Variants in DMGDH observed in about 807,000 individuals in gnomAD.
DMGDH encodes dimethylglycine dehydrogenase, also known as dimethylglycine dehydrogenase, mitochondrial.
Under a neutral mutation model 95.2 loss-of-function variants are expected in DMGDH, and 76 were observed. The observed-to-expected ratio is 0.80, with a 90% confidence interval of 0.66 to 0.97. DMGDH has a LOEUF of 0.97. Among genes scored for constraint, DMGDH ranks in the 50% least tolerant of loss-of-function variants. The pLI, the probability that DMGDH is intolerant of heterozygous loss-of-function variation, is 0.00. For synonymous variants in DMGDH, 345 were observed against 377.6 expected, an observed-to-expected ratio of 0.91 and a Z score of 1.00; for missense variants, 987 against 1,055.0, an observed-to-expected ratio of 0.94 and a Z score of 0.89.
At chr5:79,018,575 A>G (rs1187729241) in intron 14 of DMGDH, among the ~76,000 whole-genome samples, 1 of 152,122 alleles carries the variant, frequency 6.6e-6, no homozygotes, top group Admixed American at 6.5e-5. Flanking sequence ...GGGATGAGGG[A>G]TAGGTTTACT....
chr5:79,049,452 A>G (rs1319147589), intron 5 of DMGDH, among the ~76,000 whole-genome samples: 1 of 152,256 alleles, frequency 6.6e-6, no homozygotes, highest in Admixed American at 6.5e-5. Context: ...GTCCAAGTCC[A>G]TCTGAAATGA....
rs772636518 is a variant in DMGDH at position 79,051,381 on chromosome 5, T to C, written c.651A>G (p.Ala217=). 2 of 1,614,190 alleles carry C rather than the reference T, an allele frequency of 1.2e-6. No homozygotes were observed. The highest frequency in any genetic ancestry group is 1.7e-6 in the Non-Finnish European group (2 of 1,180,036). The change falls in exon 5 of 16, where the codon GCA becomes GCG. Residue 217 remains alanine (A), a synonymous_variant. Coordinates refer to ENST00000255189, the MANE Select transcript of DMGDH (RefSeq NM_013391.3). The stretch of plus-strand genomic sequence containing the variant: ...ACCTGGCTTTCAGAGAAGTTACTGG[T>C]GCAGGATATTTTAAAAGGGCACCAC... ...RKCGALLKYP[A]PVTSLKARSD...
chr5:79,016,948 A>G (rs573203052), intron 14 of DMGDH, among the ~76,000 whole-genome samples: 1 of 152,322 alleles, frequency 6.6e-6, no homozygotes, highest in Admixed American at 6.5e-5. Flanking sequence ...CAGAATATAT[A>G]GTCTTTTCAA....
intron 7 of DMGDH, among the ~76,000 whole-genome samples, 181 bp from the exon 8 acceptor site, chr5:79,033,589 A>C (rs1194863093): frequency 6.6e-6 from 1 of 152,224 alleles, no homozygotes; most frequent in Non-Finnish European, 1.5e-5. Context: ...CATCCAAATT[A>C]AATGTGCCTG....
At position 79,029,891 on chromosome 5, in the gene DMGDH, G is replaced by A. The variant is rs780904418; in HGVS notation, c.1814+13C>T. ...TAATGTGTACAAAATTTTCTTACTA[G>A]GTGTGCACTTACCTAAGATCATGAA... is the stretch of plus-strand genomic sequence containing the variant. On this transcript the variant is annotated intron_variant, in intron 11 of 15. Coordinates refer to ENST00000255189, the MANE Select transcript of DMGDH (RefSeq NM_013391.3). The A allele has an allele frequency of 6.2e-7, 1 of 1,613,678 alleles. No homozygotes were observed. Among genetic ancestry groups the A allele is most frequent in the East Asian group, 2.2e-5 (1 of 44,842 alleles).
At position 79,019,345 on chromosome 5, in the gene DMGDH, T is replaced by C. The variant is rs141707589; in HGVS notation, c.2250+4926A>G. Among the ~76,000 whole-genome samples the C allele has an allele frequency of 4.4e-3, 671 of 152,276 alleles. 6 individuals carry two copies. Among genetic ancestry groups the C allele is most frequent in the African/African-American group, 0.015 (644 of 41,550 alleles). Reference sequence around the variant, plus strand: ...TTACATCCTTTCCACCACAGTTCTATAGCACCATCCTCTGACCAATCCACA... The same window carrying C: ...TTACATCCTTTCCACCACAGTTCTACAGCACCATCCTCTGACCAATCCACA... On this transcript the variant is annotated intron_variant, in intron 14 of 15. Coordinates refer to ENST00000255189, the MANE Select transcript of DMGDH (RefSeq NM_013391.3).
At chr5:79,004,979 A>C (rs555879324) in intron 15 of DMGDH, among the ~76,000 whole-genome samples, 6 of 152,344 alleles carry the variant, frequency 3.9e-5, no homozygotes, top group African/African-American at 1.4e-4. Context: ...GTGAGCAAAT[A>C]GATCATTTAC....
Position 78,998,080 on chromosome 5 carries a change from T to C in DMGDH, c.*2A>G, listed in dbSNP as rs763418316. 5 of 1,614,236 alleles carry C rather than the reference T, an allele frequency of 3.1e-6. No individual in the cohort carries two copies. The Admixed American group carries it at 8.3e-5, about 27-fold the overall frequency. On this transcript the variant is annotated 3_prime_UTR_variant, in exon 16 of 16. Transcript: ENST00000255189. ...ATTCAGTTGACTGCTGAAGGTCTTT[T>C]TTCAAGTTTTGTCCTTTCCACCTTT...
intron 7 of DMGDH, among the ~76,000 whole-genome samples, chr5:79,036,997 A>G (rs1754365045): frequency 6.6e-6 from 1 of 152,092 alleles, no homozygotes; most frequent in Admixed American, 6.5e-5. Context: ...AGGAGACACC[A>G]GAGAGCTTGC....
chr5:79,050,165 G>A (rs1426878328), intron 5 of DMGDH, among the ~76,000 whole-genome samples: 6 of 147,572 alleles, frequency 4.1e-5, no homozygotes, highest in African/African-American at 1.5e-4. Context: ...GCCGAGGCAG[G>A]AGAATCGCTT....
At chr5:79,057,860 C>T (rs1755077970) in intron 2 of DMGDH, among the ~76,000 whole-genome samples, 1 of 152,116 alleles carries the variant, frequency 6.6e-6, no homozygotes, top group Non-Finnish European at 1.5e-5. Context: ...GTACTGATCA[C>T]CATCCACTCC....
At chr5:79,021,571 A>T in intron 14 of DMGDH, 1 of 1,294,978 alleles carries the variant, frequency 7.7e-7, no homozygotes, top group Non-Finnish European at 1.0e-6. Context: ...TCTTTTCCCT[A>T]CTTGCTGACA....
chr5:79,059,900 A>G (rs574382178), intron 2 of DMGDH, among the ~76,000 whole-genome samples: 4 of 152,308 alleles, frequency 2.6e-5, no homozygotes, highest in African/African-American at 9.6e-5. Context: ...CAACACTCCA[A>G]AGTTCACCCC....
chr5:79,030,160 A>G, intron 10 of DMGDH, 126 bp from the exon 11 acceptor site: 2 of 792,490 alleles, frequency 2.5e-6, no homozygotes, highest in African/African-American at 1.7e-5. Context: ...GTTTGTGTCA[A>G]TCGTATGAAT....
intron 2 of DMGDH, among the ~76,000 whole-genome samples, 167 bp downstream of exon 2, chr5:79,063,446 T>C (rs781528026): frequency 1.3e-5 from 2 of 152,140 alleles, no homozygotes; most frequent in Admixed American, 6.5e-5. Flanking sequence ...ATCATAAATA[T>C]TGGTTGTCAT....
At chr5:79,007,950 G>A (rs78504707) in intron 14 of DMGDH, among the ~76,000 whole-genome samples, 8,304 of 152,164 alleles carry the variant, frequency 0.055, 261 homozygotes, top group Middle Eastern at 0.078. Flanking sequence ...AGAAAACAAT[G>A]TTTTAACAGG....
intron 2 of DMGDH, among the ~76,000 whole-genome samples, chr5:79,057,002 A>G (rs1755053146): frequency 6.6e-6 from 1 of 152,230 alleles, no homozygotes; most frequent in African/African-American, 2.4e-5. Flanking sequence ...TAAATGGAGC[A>G]GCCCTCCTGG....
At chr5:78,999,519 G>A (rs1290618110) in intron 15 of DMGDH, among the ~76,000 whole-genome samples, 1 of 151,270 alleles carries the variant, frequency 6.6e-6, no homozygotes, top group Non-Finnish European at 1.5e-5. Flanking sequence ...TTTTTTAGTA[G>A]AGGCGGGGTT....
chr5:79,043,082 C>A (rs1238844550), intron 6 of DMGDH, among the ~76,000 whole-genome samples: 1 of 152,168 alleles, frequency 6.6e-6, no homozygotes, highest in Non-Finnish European at 1.5e-5. Flanking sequence ...TCCTAAAAGT[C>A]ATTGTGATGA....
Sources: allele counts gnomAD v4.1 joint callset (sites outside exome capture counted in the v4.1 genomes callset), GRCh38; gene constraint gnomAD v4.1.1; transcripts MANE v1.5; gene names NCBI Gene and HGNC (gene_info 2026-07-23, HGNC 2026-07-21).